The following SREBF1 variants were observed in gnomAD, a reference collection of about 807,000 sequenced individuals.
SREBF1 encodes the protein sterol regulatory element binding transcription factor 1.
Under a neutral mutation model 100.1 loss-of-function variants are expected in SREBF1, and 45 were observed. The ratio of observed to expected loss-of-function variants is 0.45; its 90% CI spans 0.35 to 0.58. SREBF1 has a LOEUF of 0.58. Among genes scored for constraint, SREBF1 ranks in the 20% least tolerant of loss-of-function variants. SREBF1 has a pLI of 0.00. For synonymous variants in SREBF1, 657 were observed against 681.8 expected (o/e 0.96, Z 0.57); for missense variants, 1,324 against 1,539.4 (o/e 0.86, Z 2.34).
rs1318339095 is a variant in SREBF1, at chr17:17,816,606, C to T, written c.1898G>A (p.Arg633His). 4.4e-6 allele frequency: 7 copies of T among 1,605,828 alleles called. No homozygotes were observed. The highest frequency in any genetic ancestry group is 2.2e-5 in the East Asian group (1 of 44,608). The change falls in exon 10 of 19, where the codon CGT becomes CAT. Residue 633 changes from arginine to histidine, a missense_variant. Physicochemically the swap from Arg to His is conservative, Grantham distance 29 (BLOSUM62 0). Transcript: ENST00000261646. ...LACSLLWNLI[R>H]HLLQRLWVGR... ...CACCCAGAGACGCTGCAGCAGGTGA[C>T]GGATGAGGTTCCAGAGGAGGCTACA...
chr17:17,815,049 G>T, intron 13 of SREBF1, 105 bp from the exon 14 acceptor site: 1 of 1,272,870 alleles, frequency 7.9e-7, no homozygotes, highest in Non-Finnish European at 1.1e-6. Flanking sequence ...TCTGCAAAGT[G>T]CCACTGTCTC....
chr17:17,811,618 G>A lies in SREBF1; in HGVS notation c.*1004C>T. ...CCCCCGCCCCTGTGCCCCCTCTCCA[G>A]TGTGGCGGCAGGTCGGGAGGGAGGA... On this transcript the variant is annotated 3_prime_UTR_variant, in exon 19 of 19. Transcript: ENST00000261646. 2.3e-6 allele frequency: 1 copy of A among 428,758 alleles called. No individual in the cohort carries two copies. Among genetic ancestry groups the A allele is most frequent in the Non-Finnish European group, 4.6e-6 (1 of 217,576 alleles). The allele number at this position is 428,758 out of a possible 1,614,324, so 26.6% of individuals were successfully genotyped here.
rs559836298 is a variant in SREBF1 at position 17,818,770 on chromosome 17, G to A, written c.1068+243C>T. 2.1e-4 allele frequency: 127 copies of A among 601,232 alleles called. 1 individual carries two copies. The highest frequency in any genetic ancestry group is 1.8e-3 in the Middle Eastern group (4 of 2,242). 37.2% of individuals were successfully genotyped at this position (601,232 alleles called of 1,614,324 possible). A position where few individuals can be genotyped will look rare whatever the true frequency, so the allele number is the denominator to read the frequency against. Reference sequence around the variant, plus strand: ...CACCAGAAGGTCGGCTCTTCTTTGAGGGACAATTTTTGTCTGTCTTGTTCA... The same window carrying A: ...CACCAGAAGGTCGGCTCTTCTTTGAAGGACAATTTTTGTCTGTCTTGTTCA... On this transcript the variant is annotated intron_variant, in intron 5 of 18. Coordinates refer to ENST00000261646, the MANE Select transcript of SREBF1 (RefSeq NM_004176.5).
intron 1 of SREBF1, among the ~76,000 whole-genome samples, chr17:17,821,152 TAC>T (rs60948138): frequency 0.021 from 3,140 of 149,220 alleles, 103 homozygotes; most frequent in African/African-American, 0.069. Flanking sequence ...TCCACACACA[TAC>T]ACACACACAC....
chr17:17,820,897 A>G, intron 1 of SREBF1: 2 of 336,916 alleles, frequency 5.9e-6, no homozygotes, highest in South Asian at 5.6e-5. Flanking sequence ...AAACATCTAG[A>G]AACATCCTTA....
chr17:17,813,349 TCA>T lies in SREBF1; in HGVS notation c.3214+17_3214+18del. The T allele has an allele frequency of 6.3e-7, 1 of 1,574,824 alleles. No homozygotes were observed. ...TGCTGAGCAGACAGCACATCCCTGG[TCA>T]GCAGCTGCCCCCTCACCTCCTTTGC... is the stretch of plus-strand genomic sequence containing the variant. On this transcript the variant is annotated intron_variant, in intron 18 of 18. Transcript: ENST00000261646.
At chr17:17,834,552 G>A (rs1229946609) in intron 1 of SREBF1, among the ~76,000 whole-genome samples, 4 of 152,246 alleles carry the variant, frequency 2.6e-5, no homozygotes, top group African/African-American at 4.8e-5. Context: ...AGAAGGGGCT[G>A]CCCCCAGTCT....
rs373021220 is a variant in SREBF1, at chr17:17,818,353, G to A, written c.1090C>T (p.Arg364Cys). The change falls in exon 6 of 19, where the codon CGC becomes TGC. Residue 364 changes from arginine to cysteine, a missense_variant. Physicochemically the swap from Arg to Cys is radical, Grantham distance 180. Coordinates refer to ENST00000261646, the MANE Select transcript of SREBF1 (RefSeq NM_004176.5). ...EAKLNKSAVLRKAIDYIRFLQ... is the reference protein window; with the variant it reads ...EAKLNKSAVLCKAIDYIRFLQ... Reference sequence around the variant, plus strand: ...AAGCGAATGTAGTCGATGGCCTTGCGCAAGACAGCAGATTTATTCAGCTGC... The same window carrying A: ...AAGCGAATGTAGTCGATGGCCTTGCACAAGACAGCAGATTTATTCAGCTGC... The A allele has an allele frequency of 1.4e-5, 23 of 1,613,466 alleles. No homozygotes were observed. The highest frequency in any genetic ancestry group is 1.8e-5 in the Non-Finnish European group (21 of 1,179,972).
At chr17:17,818,831 T>G in intron 5 of SREBF1, 182 bp downstream of exon 5, 2 of 706,604 alleles carry the variant, frequency 2.8e-6, no homozygotes, top group Admixed American at 2.2e-5. Context: ...AGCCCCACCT[T>G]TATTGAAGAG....
In SREBF1 at chr17:17,814,669, G is replaced by T; in HGVS notation, c.2681C>A (p.Ala894Asp). The T allele has an allele frequency of 1.3e-6, 2 of 1,572,864 alleles. No individual in the cohort carries two copies. Among genetic ancestry groups the T allele is most frequent in the Non-Finnish European group, 1.7e-6 (2 of 1,163,438 alleles). The change falls in exon 15 of 19, where the codon GCT (alanine) becomes GAT (aspartate). Residue 894 changes from alanine to aspartate, a missense_variant. By Grantham distance (126) the Ala-to-Asp change is moderately radical (BLOSUM62 -2). Coordinates refer to ENST00000261646, the MANE Select transcript of SREBF1 (RefSeq NM_004176.5). ...CTCCACCAGCGGGCACAGCCGCTCA[G>T]CCGCCTCCTCATCCCGCCGCAGCCA... Reference protein sequence around the residue: ...IHWLRRDEEAAERLCPLVEHL... With the variant: ...IHWLRRDEEADERLCPLVEHL...
intron 1 of SREBF1, among the ~76,000 whole-genome samples, chr17:17,834,543 G>GAAGGGGCTGCCCCCAGTCTTC: frequency 6.6e-6 from 1 of 152,332 alleles, no homozygotes; most frequent in South Asian, 2.1e-4. Context: ...TGCCTAGTGA[G>GAAGGGGCTGCCCCCAGTCTTC]AAGGGGCTGC....
At chr17:17,823,960 C>A (rs2034320288) in intron 1 of SREBF1, among the ~76,000 whole-genome samples, 1 of 152,120 alleles carries the variant, frequency 6.6e-6, no homozygotes, top group Non-Finnish European at 1.5e-5. Context: ...TCAGCTCCCG[C>A]CCCCTTCGTT....
In SREBF1 at chr17:17,812,029, C is replaced by A. The variant is rs1381265523; in HGVS notation, c.*593G>T. The A allele has an allele frequency of 1.4e-5, 6 of 438,834 alleles. No individual in the cohort carries two copies. Among genetic ancestry groups the A allele is most frequent in the South Asian group, 8.1e-5 (5 of 61,690 alleles). The allele number at this position is 438,834 out of a possible 1,614,324, so 27.2% of individuals were successfully genotyped here. On this transcript the variant is annotated 3_prime_UTR_variant, in exon 19 of 19. Transcript: ENST00000261646. Reference sequence around the variant, plus strand: ...CCTAGGTGCTGGGGGAGGGCCCAAGCACTCTCACTAGTCAGCACATCCATC... The same window carrying A: ...CCTAGGTGCTGGGGGAGGGCCCAAGAACTCTCACTAGTCAGCACATCCATC...
chr17:17,832,728 G>A (rs1219063413), intron 1 of SREBF1, among the ~76,000 whole-genome samples: 2 of 152,006 alleles, frequency 1.3e-5, no homozygotes, highest in Non-Finnish European at 2.9e-5. Context: ...AGACCATCCT[G>A]GCTAACACGG....
At position 17,814,643 on chromosome 17, in the gene SREBF1, G is replaced by A; in HGVS notation, c.2707C>T (p.His903Tyr). Reference protein sequence around the residue: ...AAERLCPLVEHLPRVLQESER... With the variant: ...AAERLCPLVEYLPRVLQESER... ...GACTCCTGCAGCACCCGGGGCAGGT[G>A]CTCCACCAGCGGGCACAGCCGCTCA... is the stretch of plus-strand genomic sequence containing the variant. The change falls in exon 15 of 19, where the codon CAC (histidine) becomes TAC (tyrosine). Residue 903 changes from histidine (H) to tyrosine (Y), a missense_variant. Transcript: ENST00000261646. The A allele has an allele frequency of 6.4e-7, 1 of 1,551,566 alleles. No homozygotes were observed. The highest frequency in any genetic ancestry group is 8.7e-7 in the Non-Finnish European group (1 of 1,153,082).
Position 17,816,851 on chromosome 17 carries a change from G to A in SREBF1, c.1785+107C>T, listed in dbSNP as rs377751045. 1.5e-4 allele frequency: 239 copies of A among 1,590,370 alleles called. No individual in the cohort carries two copies. In the African/African-American group the frequency reaches 2.3e-3, roughly 16 times the overall value. Reference sequence around the variant, plus strand: ...ATGCGTGGCTAGGCACAGGGAGGACGGGACAGATTCATGGTGTGCACAGGG... The same window carrying A: ...ATGCGTGGCTAGGCACAGGGAGGACAGGACAGATTCATGGTGTGCACAGGG... On this transcript the variant is annotated intron_variant, in intron 9 of 18. Coordinates refer to ENST00000261646, the MANE Select transcript of SREBF1 (RefSeq NM_004176.5).
chr17:17,833,680 C>T (rs529168675), intron 1 of SREBF1, among the ~76,000 whole-genome samples: 25 of 151,800 alleles, frequency 1.6e-4, no homozygotes, highest in Non-Finnish European at 1.5e-4. Context: ...TCAATAAAGT[C>T]GTTTTTAAAA....
chr17:17,817,637 C>A lies in SREBF1; in HGVS notation c.1404+59G>T. The A allele has an allele frequency of 6.2e-7, 1 of 1,605,578 alleles. No individual in the cohort carries two copies. The highest frequency in any genetic ancestry group is 1.1e-5 in the South Asian group (1 of 90,496). On this transcript the variant is annotated intron_variant, in intron 7 of 18. Coordinates refer to ENST00000261646, the MANE Select transcript of SREBF1 (RefSeq NM_004176.5). This position sits in a 1 kb window ranked among gnomAD's most constrained non-coding sequence, Gnocchi z 6.6. ...TCTGTTAGGGTCTTCCCGGCCCTGT[C>A]ATGAGGCTCAGAGGATATGGCTGGG...
At position 17,812,742 on chromosome 17, in the gene SREBF1, G is replaced by T. The variant is rs759913430; in HGVS notation, c.3324C>A (p.Arg1108=). Residue 1108 remains arginine (R), a synonymous_variant, in exon 19 of 19, where the codon CGC becomes CGA. Transcript: ENST00000261646. ...GCGCCGCCTCAGCCAGCATGCCCAC[G>T]CGCTGCCCGGGCGCCGACAGGAAGC... ...PPGFLSAPGQ[R]VGMLAEAART... The T allele has an allele frequency of 1.3e-6, 2 of 1,558,624 alleles. No individual in the cohort carries two copies. Among genetic ancestry groups the T allele is most frequent in the South Asian group, 2.3e-5 (2 of 85,968 alleles).
Sources: allele counts gnomAD v4.1 joint callset (sites outside exome capture counted in the v4.1 genomes callset), GRCh38; gene constraint gnomAD v4.1.1; non-coding constraint Gnocchi (gnomAD v3.1); transcripts MANE v1.5; gene names NCBI Gene and HGNC (gene_info 2026-07-23, HGNC 2026-07-21).